Variants in ZC3H13 observed in about 807,000 individuals in gnomAD.
ZC3H13 encodes the protein zinc finger CCCH-type containing 13, also known as zinc finger CCCH domain-containing protein 13.
Under a neutral mutation model 204.1 loss-of-function variants are expected in ZC3H13, and 64 were observed. The observed-to-expected ratio is 0.31, with a 90% CI of 0.26 to 0.39. The LOEUF (loss-of-function observed/expected upper bound fraction) is 0.39, where lower values mean the gene tolerates loss of function less well. Ranked by LOEUF, ZC3H13 falls within the 10% of genes least tolerant of loss-of-function variation. The probability of loss-of-function intolerance (pLI) is 1.00; values close to 1 mark genes in which losing one functional copy is unlikely to be tolerated. For missense variants in ZC3H13, 1,833 were observed against 2,082.7 expected, an observed-to-expected ratio of 0.88 and a Z score of 2.33; for synonymous variants, 667 against 693.7, an observed-to-expected ratio of 0.96 and a Z score of 0.60.
chr13:46,033,955 T>A (rs553661161), intron 4 of ZC3H13, among the ~76,000 whole-genome samples: 1 of 152,074 alleles, frequency 6.6e-6, no homozygotes, highest in African/African-American at 2.4e-5. Context: ...ATATTACCAA[T>A]TGGTAATAGG....
In ZC3H13 at chr13:45,968,043, C is replaced by A. The variant is rs2137875672; in HGVS notation, c.3797-15G>T. On this transcript the variant is annotated splice_polypyrimidine_tract_variant and intron_variant, in intron 14 of 18. Coordinates refer to ENST00000679008, the MANE Select transcript of ZC3H13 (RefSeq NM_001330564.2). The stretch of plus-strand genomic sequence containing the variant: ...ATCCTGGCGATCTAAAATAAATATA[C>A]CATATATAAAGAGTTATTAGCACAT... 3 of 1,556,218 alleles carry A rather than the reference C, an allele frequency of 1.9e-6. No individual in the cohort carries two copies. The highest frequency in any genetic ancestry group is 2.8e-5 in the African/African-American group (2 of 72,578).
chr13:45,966,995 G>T (rs762943360), intron 15 of ZC3H13, among the ~76,000 whole-genome samples: 1 of 152,112 alleles, frequency 6.6e-6, no homozygotes, highest in Non-Finnish European at 1.5e-5. Flanking sequence ...GAGTTGATGC[G>T]GACTTAGCAT....
chr13:45,995,106 T>C (rs2040239761), intron 8 of ZC3H13, among the ~76,000 whole-genome samples: 1 of 152,080 alleles, frequency 6.6e-6, no homozygotes, highest in South Asian at 2.1e-4. Context: ...TTTATTAATG[T>C]CATTATAACA....
At chr13:45,975,976 T>A in intron 11 of ZC3H13, 138 bp from the exon 12 acceptor site, 1 of 1,371,116 alleles carries the variant, frequency 7.3e-7, no homozygotes, top group Non-Finnish European at 9.5e-7. Context: ...TATTTAATTT[T>A]AACTTAATAT....
At position 45,979,948 on chromosome 13, in the gene ZC3H13, G is replaced by T. The variant is rs1189213048; in HGVS notation, c.1777C>A (p.His593Asn). ...CTACTTCGAGTTTCCCAGCTGTCAT[G>T]ATAGTTGCTATTACTACTGTGACTA... ...IDSHSSNSNY[H>N]DSWETRSSYP... The change falls in exon 11 of 19, where the codon CAT becomes AAT. Residue 593 changes from histidine to asparagine, a missense_variant. Physicochemically the swap from His to Asn is moderately conservative, Grantham distance 68. Transcript: ENST00000679008. 6.2e-7 allele frequency: 1 copy of T among 1,612,104 alleles called. No homozygotes were observed. The highest frequency in any genetic ancestry group is 8.5e-7 in the Non-Finnish European group (1 of 1,179,088).
At chr13:46,028,036 C>A (rs1043268696) in intron 4 of ZC3H13, among the ~76,000 whole-genome samples, 1 of 151,968 alleles carries the variant, frequency 6.6e-6, no homozygotes, top group African/African-American at 2.4e-5. Context: ...CACAGATATT[C>A]TCGGAGTGGA....
rs1289074206 is a variant in ZC3H13, at chr13:45,963,903, T to A, written c.4614A>T (p.Ala1538=). 2 of 1,614,012 alleles carry A rather than the reference T, an allele frequency of 1.2e-6. No individual in the cohort carries two copies. The highest frequency in any genetic ancestry group is 2.7e-5 in the African/African-American group (2 of 74,940). The change falls in exon 17 of 19, where the codon GCA becomes GCT. Residue 1538 remains alanine, a synonymous_variant. Transcript: ENST00000679008. The part of the protein sequence containing the change: ...MLRVGISKKL[A]GSELFAKVKE... ...TGACTTTGGCAAAGAGTTCAGAACCTGCCAACTTTTTAGAAATCCCAACTC... is the reference window on the plus strand; with the variant it reads ...TGACTTTGGCAAAGAGTTCAGAACCAGCCAACTTTTTAGAAATCCCAACTC...
chr13:45,978,305 T>C (rs979061571), intron 11 of ZC3H13, among the ~76,000 whole-genome samples: 2 of 152,104 alleles, frequency 1.3e-5, no homozygotes, highest in Non-Finnish European at 2.9e-5. Context: ...GCAAAGTGCC[T>C]GACATGGGTA....
Position 45,956,962 on chromosome 13 carries a change from G to T in ZC3H13, c.*165C>A. 1 of 541,624 alleles carries T rather than the reference G, an allele frequency of 1.8e-6. No individual in the cohort carries two copies. Among genetic ancestry groups the T allele is most frequent in the Non-Finnish European group, 2.8e-6 (1 of 355,720 alleles). 33.6% of individuals were successfully genotyped at this position (541,624 alleles called of 1,614,324 possible). A position where few individuals can be genotyped will look rare whatever the true frequency, so the allele number is the denominator to read the frequency against. The stretch of plus-strand genomic sequence containing the variant: ...AAAAATTAACGTAAAATCTTAAGTT[G>T]GCCAAAACTAGTGTCTCTAAAGATC... On this transcript the variant is annotated 3_prime_UTR_variant, in exon 19 of 19. Transcript: ENST00000679008.
intron 12 of ZC3H13, among the ~76,000 whole-genome samples, chr13:45,973,280 A>G (rs1939401402): frequency 6.6e-6 from 1 of 152,232 alleles, no homozygotes; most frequent in Admixed American, 6.5e-5. Flanking sequence ...ACATAAGAGC[A>G]GTTAAAAAAA....
Position 45,985,366 on chromosome 13 carries a change from A to T in ZC3H13, c.1651T>A (p.Ser551Thr), listed in dbSNP as rs1209566210. The T allele has an allele frequency of 6.2e-7, 1 of 1,613,974 alleles. No homozygotes were observed. Among genetic ancestry groups the T allele is most frequent in the South Asian group, 1.1e-5 (1 of 91,074 alleles). The change falls in exon 10 of 19, where the codon TCT becomes ACT. Residue 551 changes from serine (S) to threonine (T), a missense_variant. Around this residue, in one of 5 missense-constraint regions of ZC3H13, gnomAD observed 1,574 missense variants for 1,757.2 expected, o/e 0.90. Coordinates refer to ENST00000679008, the MANE Select transcript of ZC3H13 (RefSeq NM_001330564.2). ...TEIRNESRNE[S>T]RSEIRNDRMG... ...CGGTCATTTCTAATTTCACTTCGAG[A>T]CTCATTTCTGGACTCATTCCTTATT...
At chr13:46,003,046 A>G (rs997680287) in intron 8 of ZC3H13, 93 bp downstream of exon 8, 49 of 1,301,106 alleles carry the variant, frequency 3.8e-5, no homozygotes, top group Admixed American at 7.2e-5. Context: ...AAAACTAAAA[A>G]ACCCAATATG....
intron 7 of ZC3H13, among the ~76,000 whole-genome samples, chr13:46,006,996 T>C (rs918865849): frequency 9.9e-5 from 15 of 151,940 alleles, no homozygotes; most frequent in Non-Finnish European, 1.9e-4. Flanking sequence ...ATGTGATAAA[T>C]ATCTGTATTT....
intron 8 of ZC3H13, among the ~76,000 whole-genome samples, chr13:45,993,411 C>G (rs1202322970): frequency 3.3e-5 from 5 of 152,166 alleles, no homozygotes; most frequent in African/African-American, 1.2e-4. Context: ...TGCTGAAGAT[C>G]TGAGGCAAGA....
At chr13:45,966,440 A>G (rs1443644013) in intron 15 of ZC3H13, among the ~76,000 whole-genome samples, 1 of 152,168 alleles carries the variant, frequency 6.6e-6, no homozygotes, top group African/African-American at 2.4e-5. Context: ...AAATGCACAT[A>G]ATAGGATTTT....
In ZC3H13 at chr13:46,052,668, T is replaced by C. The variant is rs1240482039; in HGVS notation, c.-274A>G. 3.5e-5 allele frequency: 14 copies of C among 398,786 alleles called. No individual in the cohort carries two copies. The highest frequency in any genetic ancestry group is 3.2e-4 in the East Asian group (9 of 28,062). The allele number at this position is 398,786 out of a possible 1,614,324, so 24.7% of individuals were successfully genotyped here. A position where few individuals can be genotyped will look rare whatever the true frequency, so the allele number is the denominator to read the frequency against. On this transcript the variant is annotated 5_prime_UTR_variant, in exon 1 of 19. Coordinates refer to ENST00000679008, the MANE Select transcript of ZC3H13 (RefSeq NM_001330564.2). ...AGGAAGAAAAATAACGAAGAGATTG[T>C]AGATTAAGAAAAGGCAACAAAAACA...
At chr13:45,979,428 A>G in intron 11 of ZC3H13, among the ~76,000 whole-genome samples, 1 of 152,128 alleles carries the variant, frequency 6.6e-6, no homozygotes, top group East Asian at 1.9e-4. Context: ...ATAAAATTCT[A>G]TTGATCATAG....
In ZC3H13 at chr13:45,963,982, G is replaced by A. The variant is rs1353253247; in HGVS notation, c.4535C>T (p.Pro1512Leu). Residue 1512 changes from proline (P) to leucine (L), a missense_variant, in exon 17 of 19, where the codon CCA (proline) becomes CTA (leucine). Physicochemically the swap from Pro to Leu is moderately conservative, Grantham distance 98 (BLOSUM62 -3). This residue lies in a region of ZC3H13 where 211 missense variants were observed against 228.4 expected (regional missense o/e 0.92). Coordinates refer to ENST00000679008, the MANE Select transcript of ZC3H13 (RefSeq NM_001330564.2). ...SGLMPKHPKE[P>L]REPGAALLKF... The stretch of plus-strand genomic sequence containing the variant: ...TAAGAGTGCAGCCCCAGGCTCTCGT[G>A]GTTCTTTTGGATGCTTTGGCATAAG... 4 of 1,613,956 alleles carry A rather than the reference G, an allele frequency of 2.5e-6. No homozygotes were observed. The highest frequency in any genetic ancestry group is 3.3e-5 in the Admixed American group (2 of 59,994).
intron 5 of ZC3H13, among the ~76,000 whole-genome samples, chr13:46,014,561 G>A (rs985896179): frequency 6.6e-6 from 1 of 152,090 alleles, no homozygotes; most frequent in Non-Finnish European, 1.5e-5. Context: ...TCATTTATGT[G>A]TATCAGTTTT....
Sources: gnomAD v4.1 joint callset for allele counts (sites outside exome capture counted in the v4.1 genomes callset) on GRCh38, gnomAD v4.1.1 for gene constraint, gnomAD v4.1.1 regional missense constraint, MANE v1.5 for transcripts, NCBI Gene and HGNC (gene_info 2026-07-23, HGNC 2026-07-21) for gene names.